The following ITSN2 variants were observed in gnomAD, a reference collection of about 807,000 sequenced individuals.
The protein encoded by ITSN2 is intersectin-2.
A neutral mutation model predicts 243.7 loss-of-function variants in ITSN2; 156 were observed. That is an observed-to-expected ratio of 0.64 (90% CI 0.56 to 0.73). The LOEUF (loss-of-function observed/expected upper bound fraction) is 0.73, where lower values mean the gene tolerates loss of function less well. ITSN2 is among the 30% of genes least tolerant of loss of function. ITSN2 has a pLI of 0.00. For synonymous variants in ITSN2, 703 were observed against 699.9 expected (o/e 1.00, Z -0.07); for missense variants, 1,801 against 1,996.1 (o/e 0.90, Z 1.86).
intron 1 of ITSN2, chr2:24,330,665 T>C: frequency 2.7e-6 from 2 of 727,944 alleles, no homozygotes; most frequent in South Asian, 1.3e-5. Flanking sequence ...GTGCTGGAGA[T>C]GCCAAGTGAA....
At chr2:24,273,252 T>C (rs756375153) in intron 18 of ITSN2, among the ~76,000 whole-genome samples, 2 of 152,198 alleles carry the variant, frequency 1.3e-5, no homozygotes, top group Non-Finnish European at 2.9e-5. Flanking sequence ...CTTCCAACAA[T>C]TTCCAAACCT....
chr2:24,356,636 G>A (rs376931616), intron 1 of ITSN2, among the ~76,000 whole-genome samples: 3 of 151,982 alleles, frequency 2.0e-5, no homozygotes, highest in African/African-American at 7.2e-5. Context: ...AATGATGGCC[G>A]GGTGCAGTGG....
At chr2:24,235,293 G>A (rs1380140885) in intron 29 of ITSN2, among the ~76,000 whole-genome samples, 1 of 152,074 alleles carries the variant, frequency 6.6e-6, no homozygotes, top group Non-Finnish European at 1.5e-5. Flanking sequence ...AAACTATGGA[G>A]ACAGTAAAAA....
Position 24,357,170 on chromosome 2 carries a change from T to C in ITSN2, c.-34+3134A>G, listed in dbSNP as rs569347243. Among the ~76,000 whole-genome samples the C allele has an allele frequency of 5.9e-5, 9 of 152,284 alleles. 1 individual carries two copies. The highest frequency in any genetic ancestry group is 2.1e-4 in the South Asian group (1 of 4,826). On this transcript the variant is annotated intron_variant, in intron 1 of 39. Transcript: ENST00000355123. ...GAAATCATTCTACTCTAAAGACACATGCACACGTATGTTTACTACAGCACT... is the reference window on the plus strand; with the variant it reads ...GAAATCATTCTACTCTAAAGACACACGCACACGTATGTTTACTACAGCACT...
At chr2:24,236,331 G>T (rs938785988) in intron 29 of ITSN2, among the ~76,000 whole-genome samples, 4 of 152,100 alleles carry the variant, frequency 2.6e-5, no homozygotes, top group Admixed American at 1.3e-4. Context: ...CCTGCTCAGG[G>T]CTGAAGGCTG....
At chr2:24,245,605 A>C (rs1673260553) in intron 29 of ITSN2, among the ~76,000 whole-genome samples, 1 of 152,048 alleles carries the variant, frequency 6.6e-6, no homozygotes, top group Non-Finnish European at 1.5e-5. Context: ...CAGCCTCCCA[A>C]GTAGCTGAAA....
intron 29 of ITSN2, among the ~76,000 whole-genome samples, chr2:24,229,220 A>C (rs550648429): frequency 6.6e-6 from 1 of 152,222 alleles, no homozygotes; most frequent in Non-Finnish European, 1.5e-5. Flanking sequence ...ATTAATGAGA[A>C]TATGAAAGAT....
chr2:24,281,988 G>C (rs1444004173), intron 17 of ITSN2, among the ~76,000 whole-genome samples: 2 of 152,232 alleles, frequency 1.3e-5, no homozygotes, highest in African/African-American at 4.8e-5. Flanking sequence ...CGATATGGGA[G>C]TGGGCCAGGG....
intron 29 of ITSN2, among the ~76,000 whole-genome samples, chr2:24,233,842 A>G (rs1671858587): frequency 6.6e-6 from 1 of 152,140 alleles, no homozygotes; most frequent in South Asian, 2.1e-4. Flanking sequence ...ACTTCCCACT[A>G]CACTCATTTA....
intron 17 of ITSN2, among the ~76,000 whole-genome samples, chr2:24,282,241 C>T (rs924808968): frequency 6.6e-6 from 1 of 152,204 alleles, no homozygotes; most frequent in African/African-American, 2.4e-5. Flanking sequence ...AGCAGCTGGT[C>T]ATCAAGAGCA....
At chr2:24,287,515 T>C (rs1679662847) in intron 15 of ITSN2, among the ~76,000 whole-genome samples, 1 of 152,124 alleles carries the variant, frequency 6.6e-6, no homozygotes, top group African/African-American at 2.4e-5. Context: ...AGCGCAAATA[T>C]CTCTTTGAGA....
chr2:24,293,549 T>C (rs1680548564), intron 15 of ITSN2, 139 bp downstream of exon 15: 1 of 427,132 alleles, frequency 2.3e-6, no homozygotes. Flanking sequence ...TTTTTCACTT[T>C]ATTTTGAAAC....
Position 24,208,332 on chromosome 2 carries a change from C to A in ITSN2, c.4596-13G>T. On this transcript the variant is annotated splice_polypyrimidine_tract_variant and intron_variant, in intron 36 of 39. Coordinates refer to ENST00000355123, the MANE Select transcript of ITSN2 (RefSeq NM_006277.3). ...CACCCAGGCGGTCCTACGGGAGAAG[C>A]AGGGGCAGCCGTTGGCCGCATCCCA... 1.2e-6 allele frequency: 2 copies of A among 1,609,594 alleles called. No individual in the cohort carries two copies. The highest frequency in any genetic ancestry group is 1.7e-6 in the Non-Finnish European group (2 of 1,178,230).
chr2:24,318,377 C>A (rs1684171644), intron 2 of ITSN2, among the ~76,000 whole-genome samples: 1 of 152,132 alleles, frequency 6.6e-6, no homozygotes, highest in Admixed American at 6.5e-5. Context: ...AACTCCTGGG[C>A]TCAAGTGATC....
intron 8 of ITSN2, among the ~76,000 whole-genome samples, chr2:24,307,186 C>A (rs1278928146): frequency 2.0e-5 from 3 of 152,166 alleles, no homozygotes; most frequent in African/African-American, 7.2e-5. Flanking sequence ...TTATATTAAT[C>A]TCCAGTATGG....
At chr2:24,320,948 C>T (rs796517776) in intron 2 of ITSN2, among the ~76,000 whole-genome samples, 12 of 152,154 alleles carry the variant, frequency 7.9e-5, no homozygotes, top group African/African-American at 2.2e-4. Context: ...AGTCCCAGCC[C>T]GTTTTGTCAG....
At chr2:24,263,897 T>A (rs764383458) in intron 20 of ITSN2, among the ~76,000 whole-genome samples, 6 of 152,216 alleles carry the variant, frequency 3.9e-5, no homozygotes, top group Non-Finnish European at 8.8e-5. Flanking sequence ...TGTTTTCAAT[T>A]CTCTTGTGTA....
At position 24,205,177 on chromosome 2, in the gene ITSN2, C is replaced by A. The variant is rs201487895; in HGVS notation, c.4762+37G>T. 3.0e-4 allele frequency: 461 copies of A among 1,554,478 alleles called. 1 individual carries two copies. Among genetic ancestry groups the A allele is most frequent in the Non-Finnish European group, 3.8e-4 (423 of 1,126,436 alleles). The stretch of plus-strand genomic sequence containing the variant: ...GTCATCAGCAAAAACTGGGGCAGGG[C>A]AGTTATGTCTGCTGAATGAATCAAG... On this transcript the variant is annotated intron_variant, in intron 38 of 39. Transcript: ENST00000355123.
rs897076946 is a variant in ITSN2 at position 24,248,566 on chromosome 2, T to G, written c.3288+63A>C. ...TCTAAAAATTTTTATTAATTTTATC[T>G]TTTTTATGGAGCATGCAGTACTTTT... On this transcript the variant is annotated intron_variant, in intron 27 of 39. Coordinates refer to ENST00000355123, the MANE Select transcript of ITSN2 (RefSeq NM_006277.3). 6 of 1,392,172 alleles carry G rather than the reference T, an allele frequency of 4.3e-6. No individual in the cohort carries two copies. The African/African-American group carries it at 8.9e-5, about 21-fold the overall frequency. 86.2% of individuals were successfully genotyped at this position (1,392,172 alleles called of 1,614,324 possible). A position where few individuals can be genotyped will look rare whatever the true frequency, so the allele number is the denominator to read the frequency against.
Sources: allele counts gnomAD v4.1 joint callset (sites outside exome capture counted in the v4.1 genomes callset), GRCh38; gene constraint gnomAD v4.1.1; transcripts MANE v1.5; gene names NCBI Gene and HGNC (gene_info 2026-07-23, HGNC 2026-07-21).